HNRNPD: variants seen among roughly 807,000 people sequenced by gnomAD.
The protein encoded by HNRNPD is heterogeneous nuclear ribonucleoprotein D.
Under a neutral mutation model 47.9 loss-of-function variants are expected in HNRNPD, and 3 were observed. The observed-to-expected ratio is 0.06, with a 90% CI of 0.03 to 0.16. The LOEUF (loss-of-function observed/expected upper bound fraction) is 0.16. HNRNPD is among the 10% of genes least tolerant of loss of function. The pLI is 1.00. For missense variants in HNRNPD, 287 were observed against 454.2 expected, an observed-to-expected ratio of 0.63 and a Z score of 3.35; for synonymous variants, 171 against 165.1, an observed-to-expected ratio of 1.04 and a Z score of -0.28.
intron 2 of HNRNPD, among the ~76,000 whole-genome samples, chr4:82,362,052 C>A (rs1719478458): frequency 6.6e-6 from 1 of 152,166 alleles, no homozygotes; most frequent in East Asian, 1.9e-4. Context: ...TTGTTTTTAA[C>A]CTTCAATCAT....
rs1207178124 is a variant in HNRNPD at position 82,373,778 on chromosome 4, C to T, written c.-100G>A. The T allele has an allele frequency of 5.2e-6, 8 of 1,525,788 alleles. No homozygotes were observed. In the South Asian group the frequency reaches 8.4e-5, roughly 16 times the overall value. 94.5% of individuals were successfully genotyped at this position (1,525,788 alleles called of 1,614,324 possible). Reference sequence around the variant, plus strand: ...TCCCCGCCGCTGCCGCGCGCCCGCTCTACCTCGCGAAGCACACAAGACAGG... The same window carrying T: ...TCCCCGCCGCTGCCGCGCGCCCGCTTTACCTCGCGAAGCACACAAGACAGG... On this transcript the variant is annotated 5_prime_UTR_variant, in exon 1 of 9. Coordinates refer to ENST00000313899, the MANE Select transcript of HNRNPD (RefSeq NM_031370.3).
intron 3 of HNRNPD, 62 bp from the exon 4 acceptor site, chr4:82,358,882 AACTT>A: frequency 8.2e-7 from 1 of 1,212,378 alleles, no homozygotes; most frequent in Non-Finnish European, 1.2e-6. Flanking sequence ...AGAGACTATT[AACTT>A]ACTTAAAAAT....
intron 2 of HNRNPD, among the ~76,000 whole-genome samples, chr4:82,364,515 C>T (rs1719652666): frequency 1.3e-5 from 2 of 152,100 alleles, no homozygotes; most frequent in Admixed American, 1.3e-4. Flanking sequence ...TACTCAATGG[C>T]TTAATTTTTT....
chr4:82,361,229 T>C (rs1281775478), intron 2 of HNRNPD, among the ~76,000 whole-genome samples: 2 of 152,210 alleles, frequency 1.3e-5, no homozygotes, highest in Non-Finnish European at 2.9e-5. Flanking sequence ...AATCTTTATT[T>C]ACATAATTTG....
chr4:82,368,422 T>A (rs1719872736), intron 2 of HNRNPD, among the ~76,000 whole-genome samples: 1 of 152,050 alleles, frequency 6.6e-6, no homozygotes, highest in East Asian at 1.9e-4. Flanking sequence ...AACCCCAGAT[T>A]TAAGGCAAAG....
chr4:82,362,656 G>A lies in HNRNPD; in HGVS notation c.291-3017C>T, dbSNP rs913663229. On this transcript the variant is annotated intron_variant, in intron 2 of 8. Coordinates refer to ENST00000313899, the MANE Select transcript of HNRNPD (RefSeq NM_031370.3). The stretch of plus-strand genomic sequence containing the variant: ...CTCACTCTGTCGCCCAAGCTGGAGC[G>A]CAGTGGCACAATCTCAGCTCACTGC... Among the ~76,000 whole-genome samples the A allele has an allele frequency of 4.6e-5, 7 of 152,086 alleles. No individual in the cohort carries two copies. In the East Asian group the frequency reaches 5.8e-4, roughly 13 times the overall value.
intron 2 of HNRNPD, among the ~76,000 whole-genome samples, chr4:82,364,258 C>T (rs1255835877): frequency 1.3e-5 from 2 of 152,196 alleles, no homozygotes; most frequent in Non-Finnish European, 2.9e-5. Context: ...TGAACCACTC[C>T]ACCTGGCCCC....
At position 82,373,775 on chromosome 4, in the gene HNRNPD, G is replaced by C. The variant is rs1231542202; in HGVS notation, c.-97C>G. 6 of 1,524,620 alleles carry C rather than the reference G, an allele frequency of 3.9e-6. No homozygotes were observed. The highest frequency in any genetic ancestry group is 1.2e-5 in the South Asian group (1 of 83,624). 94.4% of individuals were successfully genotyped at this position (1,524,620 alleles called of 1,614,324 possible). A position where few individuals can be genotyped will look rare whatever the true frequency, so the allele number is the denominator to read the frequency against. The stretch of plus-strand genomic sequence containing the variant: ...TAATCCCCGCCGCTGCCGCGCGCCC[G>C]CTCTACCTCGCGAAGCACACAAGAC... On this transcript the variant is annotated 5_prime_UTR_variant, in exon 1 of 9. Coordinates refer to ENST00000313899, the MANE Select transcript of HNRNPD (RefSeq NM_031370.3).
At chr4:82,368,492 T>C (rs1251120519) in intron 2 of HNRNPD, among the ~76,000 whole-genome samples, 2 of 152,124 alleles carry the variant, frequency 1.3e-5, no homozygotes, top group South Asian at 2.1e-4. Flanking sequence ...AATTCCAAAC[T>C]TAAAAAACGA....
intron 1 of HNRNPD, among the ~76,000 whole-genome samples, chr4:82,371,995 T>C (rs1560440771): frequency 6.6e-6 from 1 of 152,146 alleles, no homozygotes; most frequent in Non-Finnish European, 1.5e-5. Flanking sequence ...AGGCTGGGCT[T>C]AATAAACCCT....
intron 4 of HNRNPD, chr4:82,358,264 A>G (rs1723812630): frequency 6.0e-6 from 1 of 165,784 alleles, no homozygotes; most frequent in South Asian, 1.5e-4. Flanking sequence ...TAATGAGTCT[A>G]TAATGATTAG....
At position 82,373,491 on chromosome 4, in the gene HNRNPD, G is replaced by A. The variant is rs1181830474; in HGVS notation, c.188C>T (p.Ser63Leu). 7.1e-6 allele frequency: 11 copies of A among 1,552,220 alleles called. No homozygotes were observed. The highest frequency in any genetic ancestry group is 2.0e-5 in the Admixed American group (1 of 51,170). Reference sequence around the variant, plus strand: ...ACTGGCGTCAATCTTCGCCCCCTCCGACTCGGCGCTGCCCCCTTCGGTGCC... The same window carrying A: ...ACTGGCGTCAATCTTCGCCCCCTCCAACTCGGCGCTGCCCCCTTCGGTGCC... ...SGGTEGGSAE[S>L]EGAKIDASKN... Residue 63 changes from serine to leucine, a missense_variant, in exon 1 of 9, where the codon TCG (serine) becomes TTG (leucine). By Grantham distance (145) the Ser-to-Leu change is moderately radical. Around this residue, in one of 5 missense-constraint regions of HNRNPD, gnomAD observed 161 missense variants for 137.1 expected, o/e 1.17. Coordinates refer to ENST00000313899, the MANE Select transcript of HNRNPD (RefSeq NM_031370.3).
At chr4:82,359,756 T>A in intron 2 of HNRNPD, 117 bp from the exon 3 acceptor site, 1 of 549,614 alleles carries the variant, frequency 1.8e-6, no homozygotes, top group Non-Finnish European at 3.0e-6. Flanking sequence ...TATTAAAACA[T>A]CATTCTTCCT....
chr4:82,362,172 T>A (rs2109994376), intron 2 of HNRNPD, among the ~76,000 whole-genome samples: 2 of 152,346 alleles, frequency 1.3e-5, no homozygotes, highest in Middle Eastern at 6.8e-3. Context: ...TATGCTGATT[T>A]AGAATATCCA....
chr4:82,363,904 G>C (rs1284942981), intron 2 of HNRNPD, among the ~76,000 whole-genome samples: 1 of 152,156 alleles, frequency 6.6e-6, no homozygotes, highest in Non-Finnish European at 1.5e-5. Context: ...AGGCTCCTTT[G>C]TGGGACATTT....
At position 82,355,315 on chromosome 4, in the gene HNRNPD, A is replaced by C; in HGVS notation, c.*19T>G. 1 of 1,588,784 alleles carries C rather than the reference A, an allele frequency of 6.3e-7. No individual in the cohort carries two copies. Among genetic ancestry groups the C allele is most frequent in the Non-Finnish European group, 8.6e-7 (1 of 1,157,422 alleles). On this transcript the variant is annotated 3_prime_UTR_variant, in exon 8 of 9. Coordinates refer to ENST00000313899, the MANE Select transcript of HNRNPD (RefSeq NM_031370.3). ...TTTTTAGAACATACCTGTTGGGGATAAGTTGCAAATGGAATAATTTAGTAT... is the reference window on the plus strand; with the variant it reads ...TTTTTAGAACATACCTGTTGGGGATCAGTTGCAAATGGAATAATTTAGTAT...
intron 6 of HNRNPD, 27 bp from the exon 7 acceptor site, chr4:82,356,710 A>C: frequency 6.2e-7 from 1 of 1,613,706 alleles, no homozygotes; most frequent in Non-Finnish European, 8.5e-7. Flanking sequence ...GGTTCACTAA[A>C]GTCAGAAGAT....
At chr4:82,367,026 C>CTT (rs34807755) in intron 2 of HNRNPD, among the ~76,000 whole-genome samples, 10,253 of 127,924 alleles carry the variant, frequency 0.08, 1,190 homozygotes, top group African/African-American at 0.26. Flanking sequence ...ACACACTAGC[C>CTT]TTTTTTTTTT....
chr4:82,373,433 G>A lies in HNRNPD; in HGVS notation c.233+13C>T. On this transcript the variant is annotated intron_variant, in intron 1 of 8. Coordinates refer to ENST00000313899, the MANE Select transcript of HNRNPD (RefSeq NM_031370.3). ...TAGTTGGGCCTGACTATCCTGGGAT[G>A]CCCCTTACTCACCCTTCATCCTCCT... 1 of 1,571,504 alleles carries A rather than the reference G, an allele frequency of 6.4e-7. No homozygotes were observed. Among genetic ancestry groups the A allele is most frequent in the Non-Finnish European group, 8.6e-7 (1 of 1,156,886 alleles).
Sources: allele counts gnomAD v4.1 joint callset (sites outside exome capture counted in the v4.1 genomes callset), GRCh38; gene constraint gnomAD v4.1.1; regional missense constraint gnomAD v4.1.1; transcripts MANE v1.5; gene names NCBI Gene and HGNC (gene_info 2026-07-23, HGNC 2026-07-21).